The following ZNF592 variants were observed in gnomAD, a reference collection of about 807,000 sequenced individuals.
The protein encoded by ZNF592 is spinocerebellar ataxia, autosomal recessive 5.
ZNF592 carries 11 observed loss-of-function variants against 80.3 expected under a neutral mutation model. The observed-to-expected ratio is 0.14, with a 90% CI of 0.09 to 0.23. The LOEUF (loss-of-function observed/expected upper bound fraction) is 0.23, where lower values mean the gene tolerates loss of function less well. Ranked by LOEUF, ZNF592 falls within the 10% of genes least tolerant of loss-of-function variation. The probability of loss-of-function intolerance (pLI) is 1.00; values close to 1 mark genes in which losing one functional copy is unlikely to be tolerated. For synonymous variants in ZNF592, 646 were observed against 640.3 expected, an observed-to-expected ratio of 1.01 and a Z score of -0.13; for missense variants, 1,420 against 1,633.9, an observed-to-expected ratio of 0.87 and a Z score of 2.26.
At position 84,750,013 on chromosome 15, in the gene ZNF592, T is replaced by C. The variant is rs116421025; in HGVS notation, c.-259+1349T>C. Reference sequence around the variant, plus strand: ...GCCATTGGGAAAGTCTAATAATTAATAGTCGTGGCCGGGCGCGGTGGCTCG... The same window carrying C: ...GCCATTGGGAAAGTCTAATAATTAACAGTCGTGGCCGGGCGCGGTGGCTCG... On this transcript the variant is annotated intron_variant, in intron 1 of 10. Transcript: ENST00000560079. Among the ~76,000 whole-genome samples the C allele has an allele frequency of 9.3e-3, 1,416 of 152,336 alleles. 25 individuals carry two copies. The highest frequency in any genetic ancestry group is 0.031 in the African/African-American group (1,307 of 41,580).
chr15:84,790,846 G>A lies in ZNF592; in HGVS notation c.2362G>A (p.Glu788Lys). 1 of 1,614,232 alleles carries A rather than the reference G, an allele frequency of 6.2e-7. No individual in the cohort carries two copies. The highest frequency in any genetic ancestry group is 8.5e-7 in the Non-Finnish European group (1 of 1,180,046). ...TGCCTACTTCCAGACCCATGTAAAG[G>A]AGAATTGCCTGCACTATGCCCGCAA... ...RSAYFQTHVK[E>K]NCLHYARKVG... Residue 788 changes from glutamate to lysine, a missense_variant, in exon 5 of 11, where the codon GAG (glutamate) becomes AAG (lysine). Physicochemically the swap from Glu to Lys is moderately conservative, Grantham distance 56. This residue lies in a region of ZNF592 where 524 missense variants were observed against 628.3 expected (regional missense o/e 0.83). Coordinates refer to ENST00000560079, the MANE Select transcript of ZNF592 (RefSeq NM_014630.3).
chr15:84,800,105 T>C, intron 10 of ZNF592, 128 bp downstream of exon 10: 1 of 1,418,052 alleles, frequency 7.1e-7, no homozygotes, highest in Admixed American at 1.7e-5. Flanking sequence ...TGTGGGTCAC[T>C]CTCTAGTCCT....
intron 2 of ZNF592, among the ~76,000 whole-genome samples, chr15:84,773,644 C>T (rs184782777): frequency 3.9e-5 from 6 of 152,044 alleles, no homozygotes; most frequent in Non-Finnish European, 5.9e-5. Context: ...TTTCAAACTT[C>T]AAAATACTGC....
rs1012369762 is a variant in ZNF592, at chr15:84,759,962, C to A, written c.-258-4745C>A. Among the ~76,000 whole-genome samples, 10 of 74,210 alleles carry A rather than the reference C, an allele frequency of 1.3e-4. 2 individuals are homozygous for A. The highest frequency in any genetic ancestry group is 3.4e-4 in the African/African-American group (6 of 17,548). The allele number at this position is 74,210 out of a possible 152,430, so 48.7% of individuals were successfully genotyped here. A position where few individuals can be genotyped will look rare whatever the true frequency, so the allele number is the denominator to read the frequency against. Reference sequence around the variant, plus strand: ...TTAAGGATTGGGGAGATTCCCCCCCCCCCCACCCTGCCATTTAAAAAGTAA... The same window carrying A: ...TTAAGGATTGGGGAGATTCCCCCCCACCCCACCCTGCCATTTAAAAAGTAA... On this transcript the variant is annotated intron_variant, in intron 1 of 10. Coordinates refer to ENST00000560079, the MANE Select transcript of ZNF592 (RefSeq NM_014630.3).
In ZNF592 at chr15:84,799,053, A is replaced by G. The variant is rs367910510; in HGVS notation, c.3025-45A>G. 53 of 1,599,934 alleles carry G rather than the reference A, an allele frequency of 3.3e-5. No homozygotes were observed. The highest frequency in any genetic ancestry group is 2.8e-4 in the South Asian group (25 of 90,820). On this transcript the variant is annotated intron_variant, in intron 8 of 10. Transcript: ENST00000560079. This position sits in a 1 kb window ranked among gnomAD's most constrained non-coding sequence, Gnocchi z 4.2. ...TGAGAAGAAAAATGCACCCAGAACT[A>G]TCTTACAGTTCTGATGCTTTGTGTG...
At chr15:84,752,892 T>C (rs1175982852) in intron 1 of ZNF592, among the ~76,000 whole-genome samples, 3 of 152,156 alleles carry the variant, frequency 2.0e-5, no homozygotes, top group Non-Finnish European at 4.4e-5. Flanking sequence ...CTTAGGATAT[T>C]AACTGACCAT....
At chr15:84,801,731 A>C (rs763817517) in intron 10 of ZNF592, 132 bp from the exon 11 acceptor site, 1 of 1,291,490 alleles carries the variant, frequency 7.7e-7, no homozygotes, top group Non-Finnish European at 1.1e-6. Context: ...AACCAAACGT[A>C]AACCAGCGTT....
intron 10 of ZNF592, among the ~76,000 whole-genome samples, chr15:84,801,551 AGTTTT>A (rs1459705697): frequency 1.3e-5 from 2 of 152,304 alleles, no homozygotes; most frequent in African/African-American, 4.8e-5. Context: ...AAAAGACAAT[AGTTTT>A]GTTTTTGTAT....
At chr15:84,785,292 GTCTGT>G (rs1567071429) in intron 4 of ZNF592, among the ~76,000 whole-genome samples, 2 of 152,008 alleles carry the variant, frequency 1.3e-5, no homozygotes, top group Admixed American at 6.6e-5. Context: ...CTGCACCTCA[GTCTGT>G]TCTAAGAACT....
intron 1 of ZNF592, among the ~76,000 whole-genome samples, chr15:84,754,864 C>T (rs892145388): frequency 1.3e-5 from 2 of 151,754 alleles, no homozygotes; most frequent in Non-Finnish European, 2.9e-5. Flanking sequence ...AACAGATTAA[C>T]TTCTGGTCTC....
Position 84,783,548 on chromosome 15 carries a change from G to T in ZNF592, c.873G>T (p.Leu291Phe). 1 of 1,614,188 alleles carries T rather than the reference G, an allele frequency of 6.2e-7. No homozygotes were observed. Among genetic ancestry groups the T allele is most frequent in the Non-Finnish European group, 8.5e-7 (1 of 1,180,040 alleles). ...CTTGTGTGGCAGCCTTGGTGGCCTTGCAGGCCAAAAGAGTGGCTAGTGTCA... is the reference window on the plus strand; with the variant it reads ...CTTGTGTGGCAGCCTTGGTGGCCTTTCAGGCCAAAAGAGTGGCTAGTGTCA... ...LSSCVAALVA[L>F]QAKRVASVTK... The change falls in exon 4 of 11, where the codon TTG (leucine) becomes TTT (phenylalanine). Residue 291 changes from leucine to phenylalanine, a missense_variant. Leu to Phe is a conservative substitution (Grantham distance 22). This residue lies in a region of ZNF592 where 373 missense variants were observed against 355.5 expected (regional missense o/e 1.05). Coordinates refer to ENST00000560079, the MANE Select transcript of ZNF592 (RefSeq NM_014630.3). This position sits in a 1 kb window ranked among gnomAD's most constrained non-coding sequence, Gnocchi z 5.0.
At chr15:84,755,952 C>T (rs547212426) in intron 1 of ZNF592, among the ~76,000 whole-genome samples, 8 of 152,164 alleles carry the variant, frequency 5.3e-5, no homozygotes, top group African/African-American at 1.9e-4. Context: ...TAGAGTGTGA[C>T]TTGGCTTCTA....
chr15:84,777,475 C>CAA (rs549871970), intron 2 of ZNF592, among the ~76,000 whole-genome samples: 2 of 55,122 alleles, frequency 3.6e-5, no homozygotes, highest in Non-Finnish European at 3.6e-5. Context: ...GACTCCGTCT[C>CAA]AAAAAAAAAA....
At chr15:84,755,413 T>C (rs1490578842) in intron 1 of ZNF592, among the ~76,000 whole-genome samples, 1 of 152,072 alleles carries the variant, frequency 6.6e-6, no homozygotes, top group African/African-American at 2.4e-5. Flanking sequence ...ACTATAGACA[T>C]GCACCACTGT....
At chr15:84,789,884 G>A (rs892803252) in intron 4 of ZNF592, among the ~76,000 whole-genome samples, 1 of 152,174 alleles carries the variant, frequency 6.6e-6, no homozygotes, top group Admixed American at 6.5e-5. Context: ...CCAGCATGCA[G>A]GCACCAGCGA....
intron 2 of ZNF592, among the ~76,000 whole-genome samples, chr15:84,775,342 C>T (rs1962212625): frequency 6.6e-6 from 1 of 152,120 alleles, no homozygotes. Context: ...GCGATCTGCC[C>T]ACCTCAACCT....
chr15:84,805,256 G>A lies in ZNF592; in HGVS notation c.*2863G>A, dbSNP rs1430901124. ...TGAACACCATCATTTTTTGAGGACT[G>A]TCTAGAAAAGGTTGCCTAACCCTCA... On this transcript the variant is annotated 3_prime_UTR_variant, in exon 11 of 11. Transcript: ENST00000560079. 6.6e-6 allele frequency: 1 copy of A among 152,200 alleles called. No homozygotes were observed. The highest frequency in any genetic ancestry group is 2.4e-5 in the African/African-American group (1 of 41,448). 9.4% of individuals were successfully genotyped at this position (152,200 alleles called of 1,614,324 possible). A position where few individuals can be genotyped will look rare whatever the true frequency, so the allele number is the denominator to read the frequency against.
In ZNF592 at chr15:84,784,960, T is replaced by C; in HGVS notation, c.2220+65T>C. ...CTCACACAGGTTCCATGACTGGGCA[T>C]GGAGAGGAAAGCTCATTGATATGGG... On this transcript the variant is annotated intron_variant, in intron 4 of 10. Coordinates refer to ENST00000560079, the MANE Select transcript of ZNF592 (RefSeq NM_014630.3). The surrounding 1 kb of genome is among the most constrained non-coding windows in gnomAD (Gnocchi z 5.8). 6.3e-7 allele frequency: 1 copy of C among 1,583,048 alleles called. No homozygotes were observed. The highest frequency in any genetic ancestry group is 8.7e-7 in the Non-Finnish European group (1 of 1,152,988).
intron 1 of ZNF592, among the ~76,000 whole-genome samples, chr15:84,758,314 G>A (rs566145841): frequency 2.0e-5 from 3 of 150,920 alleles, no homozygotes; most frequent in African/African-American, 4.9e-5. Flanking sequence ...AGACCGTCTC[G>A]CTCTGTTGTC....
Sources: gnomAD v4.1 joint callset for allele counts (sites outside exome capture counted in the v4.1 genomes callset) on GRCh38, gnomAD v4.1.1 for gene constraint, gnomAD v4.1.1 regional missense constraint, Gnocchi (gnomAD v3.1) non-coding constraint, MANE v1.5 for transcripts, NCBI Gene and HGNC (gene_info 2026-07-23, HGNC 2026-07-21) for gene names.